The following FAM107A variants were observed in gnomAD, a reference collection of about 807,000 sequenced individuals.
FAM107A encodes the protein actin-associated protein FAM107A.
A neutral mutation model predicts 13.7 loss-of-function variants in FAM107A; 19 were observed. That is an observed-to-expected ratio of 1.38 (90% CI 0.97 to 2.03). The LOEUF (loss-of-function observed/expected upper bound fraction) is 2.03, where lower values mean the gene tolerates loss of function less well. Among genes scored for constraint, FAM107A ranks in the 30% most tolerant of loss-of-function variants. FAM107A has a pLI of 0.00. For missense variants in FAM107A, 203 were observed against 184.4 expected (o/e 1.10, Z -0.58); for synonymous variants, 82 against 74.5 (o/e 1.10, Z -0.52).
upstream of FAM107A, among the ~76,000 whole-genome samples, chr3:58,580,493 C>A (rs934378352): frequency 6.7e-6 from 1 of 148,200 alleles, no homozygotes; most frequent in African/African-American, 2.5e-5. Flanking sequence ...TGGCTCACTG[C>A]AGCCTTGACC....
rs1372800934 is a variant in FAM107A, at chr3:58,569,823, C to A, written c.38G>T (p.Gly13Val). 4.3e-6 allele frequency: 7 copies of A among 1,614,142 alleles called. 1 individual carries two copies. In the South Asian group the frequency reaches 7.7e-5, roughly 18 times the overall value. ...GTATTCTGGCCGGGCCATCAGGCCCCCAATGTCTGCCCGCTCCCTCTGGAT... is the reference window on the plus strand; with the variant it reads ...GTATTCTGGCCGGGCCATCAGGCCCACAATGTCTGCCCGCTCCCTCTGGAT... ...SEIQRERADI[G>V]GLMARPEYRE... Residue 13 changes from glycine to valine, a missense_variant, in exon 2 of 4, where the codon GGG (glycine) becomes GTG (valine). Transcript: ENST00000360997. This position sits in a 1 kb window ranked among gnomAD's most constrained non-coding sequence, Gnocchi z 5.7.
At chr3:58,625,965 C>A (rs1394508877) in intron 1 of FAM107A, among the ~76,000 whole-genome samples, 1 of 152,196 alleles carries the variant, frequency 6.6e-6, no homozygotes, top group East Asian at 1.9e-4. Context: ...TGGGGTAGCA[C>A]ACTGAGCACT....
chr3:58,568,746 A>C (rs1409867535), intron 2 of FAM107A, among the ~76,000 whole-genome samples: 4 of 152,230 alleles, frequency 2.6e-5, no homozygotes. Flanking sequence ...CTCTAATACC[A>C]GAATCGGCCA....
Position 58,577,084 on chromosome 3 carries a change from G to T in FAM107A, c.-6+225C>A, listed in dbSNP as rs2063736779. Among the ~76,000 whole-genome samples the T allele has an allele frequency of 6.6e-6, 1 of 152,210 alleles. No individual in the cohort carries two copies. The highest frequency in any genetic ancestry group is 1.5e-5 in the Non-Finnish European group (1 of 68,040). ...ACAAGAATGCAGGGCTATGCCAGGGGGCTCGCTTCTTTGTCTCCTACCCTT... is the reference window on the plus strand; with the variant it reads ...ACAAGAATGCAGGGCTATGCCAGGGTGCTCGCTTCTTTGTCTCCTACCCTT... On this transcript the variant is annotated intron_variant, in intron 1 of 3. Transcript: ENST00000360997. The surrounding 1 kb of genome is among the most constrained non-coding windows in gnomAD (Gnocchi z 4.9).
At chr3:58,586,070 G>C (rs1349728189) in intron 1 of FAM107A, among the ~76,000 whole-genome samples, 1 of 152,176 alleles carries the variant, frequency 6.6e-6, no homozygotes, top group African/African-American at 2.4e-5. Context: ...TGCTCTCCTA[G>C]ATCTGCCTTC....
chr3:58,616,567 A>ACACC (rs1553631051), intron 1 of FAM107A, among the ~76,000 whole-genome samples: 88 of 141,748 alleles, frequency 6.2e-4, no homozygotes, highest in South Asian at 1.8e-3. Flanking sequence ...ACACACACAC[A>ACACC]CCACCACTAC....
At position 58,599,721 on chromosome 3, in the gene FAM107A, T is replaced by A. The variant is rs1274256951; in HGVS notation, c.-69-10452A>T. ...ATTTTTTTTTTTTTTTTTTTTTTTT[T>A]TTTTTTTTTTTTTTGAGACGGGATC... is the stretch of plus-strand genomic sequence containing the variant. On this transcript the variant is annotated intron_variant, in intron 1 of 3. Transcript: ENST00000465970. 8.9e-5 allele frequency among the ~76,000 whole-genome samples: 10 copies of A among 112,152 alleles called. No individual in the cohort carries two copies. In the East Asian group the frequency reaches 2.7e-3, roughly 30 times the overall value. The allele number at this position is 112,152 out of a possible 152,430, so 73.6% of individuals were successfully genotyped here. A position where few individuals can be genotyped will look rare whatever the true frequency, so the allele number is the denominator to read the frequency against.
rs752537978 is a variant in FAM107A at position 58,569,895 on chromosome 3, A to G, written c.-5-30T>C. ...AGAGATGGGCAGAGGAGTAGCTCAG[A>G]GCTGAGCCTATAATCTCACCCTGCC... On this transcript the variant is annotated intron_variant, in intron 1 of 3. Transcript: ENST00000360997. This position sits in a 1 kb window ranked among gnomAD's most constrained non-coding sequence, Gnocchi z 5.7. The G allele has an allele frequency of 1.2e-5, 19 of 1,601,600 alleles. No individual in the cohort carries two copies. Among genetic ancestry groups the G allele is most frequent in the Non-Finnish European group, 1.6e-5 (19 of 1,174,138 alleles).
chr3:58,585,291 A>G (rs2065592787), intron 1 of FAM107A, among the ~76,000 whole-genome samples: 1 of 152,232 alleles, frequency 6.6e-6, no homozygotes. Context: ...CGTGCTTTGT[A>G]GGGAAATCGC....
At chr3:58,570,621 G>GAGAC (rs1211360138) in intron 1 of FAM107A, among the ~76,000 whole-genome samples, 3 of 110,326 alleles carry the variant, frequency 2.7e-5, no homozygotes, top group African/African-American at 6.1e-5. Flanking sequence ...GAGAGAGAGA[G>GAGAC]AGAGAGAGAG....
intron 1 of FAM107A, among the ~76,000 whole-genome samples, chr3:58,593,504 C>A (rs546132481): frequency 2.0e-5 from 3 of 152,204 alleles, no homozygotes; most frequent in Non-Finnish European, 2.9e-5. Context: ...AAACAACCAC[C>A]CTTAAGTCTC....
upstream of FAM107A, among the ~76,000 whole-genome samples, chr3:58,591,327 C>G (rs1161293399): frequency 6.6e-6 from 1 of 152,056 alleles, no homozygotes; most frequent in Non-Finnish European, 1.5e-5. This position sits in a 1 kb window ranked among gnomAD's most constrained non-coding sequence, Gnocchi z 4.3. Flanking sequence ...TTGAAAGAAG[C>G]TGGGAGTTAG....
At chr3:58,598,747 G>A (rs1401227885) in intron 1 of FAM107A, among the ~76,000 whole-genome samples, 1 of 152,114 alleles carries the variant, frequency 6.6e-6, no homozygotes, top group Non-Finnish European at 1.5e-5. Context: ...TGCTGCATGT[G>A]TGAGTTTTGT....
At chr3:58,587,358 A>G (rs1356885005), upstream of FAM107A, among the ~76,000 whole-genome samples, 1 of 152,206 alleles carries the variant, frequency 6.6e-6, no homozygotes, top group African/African-American at 2.4e-5. Context: ...CACCATTAAA[A>G]GCTGTGTGTC....
chr3:58,623,894 T>A (rs747779023), intron 1 of FAM107A, among the ~76,000 whole-genome samples: 3 of 152,220 alleles, frequency 2.0e-5, no homozygotes, highest in Non-Finnish European at 4.4e-5. Context: ...TAGCAGCCCC[T>A]TTAAGGGTGG....
At chr3:58,620,907 T>G (rs1309984192) in intron 1 of FAM107A, among the ~76,000 whole-genome samples, 1 of 152,202 alleles carries the variant, frequency 6.6e-6, no homozygotes, top group Non-Finnish European at 1.5e-5. Flanking sequence ...TCTGCCTGTC[T>G]TCAAATGCCC....
rs2065870495 is a variant in FAM107A, at chr3:58,613,166, TAGC to T, written c.-70+14247_-70+14249del. On this transcript the variant is annotated intron_variant, in intron 1 of 3. Transcript: ENST00000465970. The surrounding 1 kb of genome is among the most constrained non-coding windows in gnomAD (Gnocchi z 4.6). ...TTTTGTCAGGTAACACCGACAAAAATAGCAGCCATTTGTTGAGCTCACACTATG... is the reference window on the plus strand; with the variant it reads ...TTTTGTCAGGTAACACCGACAAAAATAGCCATTTGTTGAGCTCACACTATG... 6.6e-6 allele frequency among the ~76,000 whole-genome samples: 1 copy of T among 152,168 alleles called. No homozygotes were observed. The highest frequency in any genetic ancestry group is 2.1e-4 in the South Asian group (1 of 4,830).
At chr3:58,597,098 G>T (rs1400803593) in intron 1 of FAM107A, among the ~76,000 whole-genome samples, 1 of 152,160 alleles carries the variant, frequency 6.6e-6, no homozygotes, top group Non-Finnish European at 1.5e-5. Context: ...ACATTCTCCT[G>T]AGAACGAACA....
Position 58,604,675 on chromosome 3 carries a change from C to T in FAM107A, c.-69-15406G>A, listed in dbSNP as rs977637285. ...TTTTGGGGAATAAATTATTACTTTG[C>T]TCACACGGAGATAAGCAGCTGGCAT... On this transcript the variant is annotated intron_variant, in intron 1 of 3. Coordinates refer to the FAM107A transcript ENST00000465970. This position sits in a 1 kb window ranked among gnomAD's most constrained non-coding sequence, Gnocchi z 4.1. Among the ~76,000 whole-genome samples, 3 of 152,286 alleles carry T rather than the reference C, an allele frequency of 2.0e-5. No individual in the cohort carries two copies. The highest frequency in any genetic ancestry group is 4.8e-5 in the African/African-American group (2 of 41,568).
Sources: gnomAD v4.1 joint callset for allele counts (sites outside exome capture counted in the v4.1 genomes callset) on GRCh38, gnomAD v4.1.1 for gene constraint, Gnocchi (gnomAD v3.1) non-coding constraint, MANE v1.5 for transcripts, NCBI Gene and HGNC (gene_info 2026-07-23, HGNC 2026-07-21) for gene names.